The following GRM7 variants were observed in gnomAD, a reference collection of about 807,000 sequenced individuals.
The protein encoded by GRM7 is metabotropic glutamate receptor 7.
GRM7 carries 35 observed loss-of-function variants against 84.5 expected under a neutral mutation model. The observed-to-expected ratio is 0.41, with a 90% CI of 0.32 to 0.55. GRM7 has a LOEUF of 0.55. GRM7 is among the 20% of genes least tolerant of loss of function. GRM7 has a pLI of 0.19. For synonymous variants in GRM7, 487 were observed against 455.1 expected (o/e 1.07, Z -0.89); for missense variants, 1,003 against 1,194.6 (o/e 0.84, Z 2.36).
intron 4 of GRM7, among the ~76,000 whole-genome samples, chr3:7,406,222 C>T (rs550512563): frequency 3.1e-4 from 47 of 152,054 alleles, no homozygotes; most frequent in Non-Finnish European, 5.3e-4. Context: ...ATCTATCGGC[C>T]GGGCGTGGTG....
intron 4 of GRM7, chr3:7,403,288 A>C (rs2125161453): frequency 5.2e-6 from 1 of 193,742 alleles, no homozygotes; most frequent in South Asian, 7.6e-5. Context: ...TGATTATGAT[A>C]ATTTGCTATA....
intron 1 of GRM7, among the ~76,000 whole-genome samples, chr3:6,908,485 G>A (rs1480661512): frequency 6.6e-6 from 1 of 152,178 alleles, no homozygotes; most frequent in Non-Finnish European, 1.5e-5. Flanking sequence ...TGAAAAAACT[G>A]AGGTTCAGAG....
At chr3:7,183,656 G>A (rs1317155691) in intron 2 of GRM7, among the ~76,000 whole-genome samples, 4 of 151,850 alleles carry the variant, frequency 2.6e-5, no homozygotes, top group African/African-American at 9.7e-5. Flanking sequence ...TAAATAAAAT[G>A]AAAAAAATAA....
intron 1 of GRM7, among the ~76,000 whole-genome samples, chr3:6,958,012 T>C (rs529186217): frequency 6.6e-6 from 1 of 152,296 alleles, no homozygotes; most frequent in African/African-American, 2.4e-5. Flanking sequence ...AATAACTCTG[T>C]TGAGGTAAAA....
rs1693370557 is a variant in GRM7 at position 7,355,777 on chromosome 3, A to G, written c.1033+49125A>G. Among the ~76,000 whole-genome samples the G allele has an allele frequency of 2.0e-5, 3 of 152,132 alleles. No homozygotes were observed. In the South Asian group the frequency reaches 6.2e-4, roughly 31 times the overall value. On this transcript the variant is annotated intron_variant, in intron 4 of 9. Transcript: ENST00000357716. ...GGCCTGAGCAGGTTCTGAAGGCACAAGCAAGTTACATGAAGAAGTGGCCCA... is the reference window on the plus strand; with the variant it reads ...GGCCTGAGCAGGTTCTGAAGGCACAGGCAAGTTACATGAAGAAGTGGCCCA...
chr3:7,099,187 T>C lies in GRM7; in HGVS notation c.520-47265T>C, dbSNP rs185634564. Reference sequence around the variant, plus strand: ...AGAAGTTCGCAGGTTTAATTGCATATATATATATACGTATTATTATATTGC... The same window carrying C: ...AGAAGTTCGCAGGTTTAATTGCATACATATATATACGTATTATTATATTGC... On this transcript the variant is annotated intron_variant, in intron 1 of 9. Transcript: ENST00000357716. Among the ~76,000 whole-genome samples, 1,239 of 149,944 alleles carry C rather than the reference T, an allele frequency of 8.3e-3. 23 individuals are homozygous for C. Among genetic ancestry groups the C allele is most frequent in the African/African-American group, 0.029 (1,173 of 40,954 alleles).
At chr3:7,551,089 C>A (rs1287197343) in intron 7 of GRM7, among the ~76,000 whole-genome samples, 1 of 152,128 alleles carries the variant, frequency 6.6e-6, no homozygotes, top group Non-Finnish European at 1.5e-5. Context: ...CAAATTTCTG[C>A]ATGTCTTATG....
At chr3:7,196,407 A>T (rs571773790) in intron 2 of GRM7, among the ~76,000 whole-genome samples, 1 of 152,214 alleles carries the variant, frequency 6.6e-6, no homozygotes, top group African/African-American at 2.4e-5. Flanking sequence ...TGACACATAC[A>T]GTGAACTATG....
rs909921965 is a variant in GRM7 at position 6,941,176 on chromosome 3, T to C, written c.519+79269T>C. ...AAAGGCCAAGGGAGTCATTATCTTA[T>C]GTGCCACTTACACACATTAGTTTCC... is the stretch of plus-strand genomic sequence containing the variant. On this transcript the variant is annotated intron_variant, in intron 1 of 9. Coordinates refer to ENST00000357716, the MANE Select transcript of GRM7 (RefSeq NM_000844.4). Among the ~76,000 whole-genome samples, 4 of 152,184 alleles carry C rather than the reference T, an allele frequency of 2.6e-5. No homozygotes were observed. The East Asian group carries it at 5.8e-4, about 22-fold the overall frequency.
chr3:7,694,751 A>G (rs1700953624), intron 9 of GRM7, among the ~76,000 whole-genome samples: 1 of 152,072 alleles, frequency 6.6e-6, no homozygotes, highest in African/African-American at 2.4e-5. Context: ...ACCTGTTAGT[A>G]CTCAGATATT....
chr3:7,130,961 G>A (rs904147702), intron 1 of GRM7, among the ~76,000 whole-genome samples: 21 of 150,930 alleles, frequency 1.4e-4, no homozygotes, highest in South Asian at 6.3e-4. Flanking sequence ...ACACACACAC[G>A]CACACACGTG....
At chr3:6,936,034 G>C (rs1179404273) in intron 1 of GRM7, among the ~76,000 whole-genome samples, 3 of 152,062 alleles carry the variant, frequency 2.0e-5, no homozygotes, top group African/African-American at 7.2e-5. Context: ...TAATGTGCTT[G>C]CTTGGAAGTC....
chr3:7,163,956 A>T (rs1694715544), intron 2 of GRM7, among the ~76,000 whole-genome samples: 1 of 152,210 alleles, frequency 6.6e-6, no homozygotes. Context: ...CCAGTGTTCA[A>T]GTCATCTTGA....
intron 9 of GRM7, among the ~76,000 whole-genome samples, chr3:7,731,651 T>C (rs1374856538): frequency 5.3e-5 from 8 of 152,202 alleles, no homozygotes; most frequent in African/African-American, 1.4e-4. Context: ...TGAGTCCTGC[T>C]AAGGCTCAGA....
rs1559222607 is a variant in GRM7 at position 7,306,559 on chromosome 3, G to T, written c.940G>T (p.Asp314Tyr). The T allele has an allele frequency of 6.2e-7, 1 of 1,613,830 alleles. No individual in the cohort carries two copies. The highest frequency in any genetic ancestry group is 2.2e-5 in the East Asian group (1 of 44,852). Reference protein sequence around the residue: ...QVGHFLWVGSDSWGSKINPLH... With the variant: ...QVGHFLWVGSYSWGSKINPLH... ...TGGCCATTTTCTTTGGGTGGGATCA[G>T]ACAGCTGGGGATCCAAAATAAACCC... The change falls in exon 4 of 10, where the codon GAC becomes TAC. Residue 314 changes from aspartate to tyrosine, a missense_variant. Transcript: ENST00000357716.
At chr3:7,466,017 C>G (rs1362100563) in intron 7 of GRM7, among the ~76,000 whole-genome samples, 3 of 152,162 alleles carry the variant, frequency 2.0e-5, no homozygotes, top group African/African-American at 7.2e-5. Context: ...GGAAGGGAAT[C>G]ATAACCAACA....
At position 7,099,902 on chromosome 3, in the gene GRM7, A is replaced by G; in HGVS notation, c.520-46550A>G. ...CGCATTATACATATATACATAGATT[A>G]TACATATATAATATTAATATATTAT... On this transcript the variant is annotated intron_variant, in intron 1 of 9. Coordinates refer to ENST00000357716, the MANE Select transcript of GRM7 (RefSeq NM_000844.4). Among the ~76,000 whole-genome samples, 2 of 115,948 alleles carry G rather than the reference A, an allele frequency of 1.7e-5. 1 individual carries two copies. The highest frequency in any genetic ancestry group is 4.5e-4 in the East Asian group (2 of 4,404). The allele number at this position is 115,948 out of a possible 152,430, so 76.1% of individuals were successfully genotyped here. A position where few individuals can be genotyped will look rare whatever the true frequency, so the allele number is the denominator to read the frequency against.
chr3:7,544,520 G>C (rs1693043279), intron 7 of GRM7, among the ~76,000 whole-genome samples: 1 of 152,134 alleles, frequency 6.6e-6, no homozygotes, highest in Admixed American at 6.5e-5. Flanking sequence ...GGGAGATCCT[G>C]GGTAGTTCCC....
At chr3:7,356,561 C>T (rs946825943) in intron 4 of GRM7, among the ~76,000 whole-genome samples, 3 of 152,066 alleles carry the variant, frequency 2.0e-5, no homozygotes, top group African/African-American at 7.2e-5. Context: ...CTTCAGCCTC[C>T]CAAAGTGCTA....
Sources: gnomAD v4.1 joint callset for allele counts (sites outside exome capture counted in the v4.1 genomes callset) on GRCh38, gnomAD v4.1.1 for gene constraint, MANE v1.5 for transcripts, NCBI Gene and HGNC (gene_info 2026-07-23, HGNC 2026-07-21) for gene names.